The following PARD3 variants were observed in gnomAD, a reference collection of about 807,000 sequenced individuals.
PARD3 encodes par-3 family cell polarity regulator.
PARD3 carries 75 observed loss-of-function variants against 155.4 expected under a neutral mutation model. The observed-to-expected ratio is 0.48, with a 90% CI of 0.40 to 0.58. PARD3 has a LOEUF of 0.58. Among genes scored for constraint, PARD3 ranks in the 20% least tolerant of loss-of-function variants. PARD3 has a pLI of 0.00. For synonymous variants in PARD3, 576 were observed against 610.5 expected, an observed-to-expected ratio of 0.94 and a Z score of 0.83; for missense variants, 1,642 against 1,721.7, an observed-to-expected ratio of 0.95 and a Z score of 0.82.
chr10:34,363,738 C>T (rs990061016), intron 12 of PARD3, among the ~76,000 whole-genome samples: 1 of 152,268 alleles, frequency 6.6e-6, no homozygotes, highest in African/African-American at 2.4e-5. Context: ...TTCTTTAACT[C>T]ACTCCTCATG....
chr10:34,115,049 G>A (rs1946590007), intron 24 of PARD3, among the ~76,000 whole-genome samples: 1 of 152,154 alleles, frequency 6.6e-6, no homozygotes, highest in Non-Finnish European at 1.5e-5. Context: ...TCAGCATGGA[G>A]AGGACTCAAA....
intron 22 of PARD3, among the ~76,000 whole-genome samples, chr10:34,165,283 C>A (rs1949476637): frequency 6.6e-6 from 1 of 152,146 alleles, no homozygotes. Flanking sequence ...ACATCCATCC[C>A]TTCAGTAGTG....
chr10:34,209,338 T>G (rs564408266), intron 22 of PARD3, among the ~76,000 whole-genome samples: 1 of 152,316 alleles, frequency 6.6e-6, no homozygotes, highest in Admixed American at 6.5e-5. Context: ...AGGATTCTTT[T>G]AATGTCATGC....
chr10:34,756,455 T>C (rs1275264649), intron 1 of PARD3, among the ~76,000 whole-genome samples: 1 of 119,750 alleles, frequency 8.4e-6, no homozygotes, highest in Non-Finnish European at 1.7e-5. Flanking sequence ...GCCCAGCCAA[T>C]GCACCTTTTT....
chr10:34,599,523 C>T (rs1267622140), intron 2 of PARD3, among the ~76,000 whole-genome samples: 3 of 152,188 alleles, frequency 2.0e-5, no homozygotes, highest in African/African-American at 7.2e-5. Flanking sequence ...TAAGAGACAA[C>T]TCAGACTAGG....
chr10:34,270,881 C>T (rs115719201), intron 21 of PARD3, among the ~76,000 whole-genome samples: 1,918 of 152,186 alleles, frequency 0.013, 28 homozygotes, highest in African/African-American at 0.044. Flanking sequence ...ACTGAAGTTA[C>T]GTTTAGTTTA....
chr10:34,796,178 A>C (rs1458645924), intron 1 of PARD3, among the ~76,000 whole-genome samples: 1 of 152,202 alleles, frequency 6.6e-6, no homozygotes, highest in Non-Finnish European at 1.5e-5. Context: ...AAAAAACAAA[A>C]ACAAAAAAAA....
intron 22 of PARD3, among the ~76,000 whole-genome samples, chr10:34,263,395 G>A (rs1955125908): frequency 6.6e-6 from 1 of 151,902 alleles, no homozygotes; most frequent in South Asian, 2.1e-4. Context: ...GGTGGCTCAC[G>A]CCTGTAATCC....
chr10:34,345,125 T>C, intron 15 of PARD3: 2 of 985,100 alleles, frequency 2.0e-6, no homozygotes, highest in Non-Finnish European at 2.4e-6. Flanking sequence ...GAGAGGGCTA[T>C]TTTTAGAAAA....
chr10:34,517,490 G>C (rs900613900), intron 2 of PARD3, among the ~76,000 whole-genome samples: 1 of 152,076 alleles, frequency 6.6e-6, no homozygotes, highest in African/African-American at 2.4e-5. Flanking sequence ...AAATGCAAAA[G>C]TGTGTATATA....
intron 5 of PARD3, among the ~76,000 whole-genome samples, chr10:34,415,735 G>A (rs1304518086): frequency 6.6e-6 from 1 of 152,166 alleles, no homozygotes; most frequent in Non-Finnish European, 1.5e-5. Flanking sequence ...TTGGGGTGCA[G>A]TGTATAGGTG....
chr10:34,642,982 C>A (rs879429675), intron 2 of PARD3, among the ~76,000 whole-genome samples: 1 of 152,162 alleles, frequency 6.6e-6, no homozygotes, highest in Non-Finnish European at 1.5e-5. Flanking sequence ...AATGCTCCCC[C>A]ATCAGAGAAA....
At chr10:34,162,683 G>C (rs960379605) in intron 22 of PARD3, among the ~76,000 whole-genome samples, 1 of 152,130 alleles carries the variant, frequency 6.6e-6, no homozygotes, top group African/African-American at 2.4e-5. Context: ...AGTGTAACTT[G>C]ATTGAGCTAA....
At chr10:34,459,418 G>A (rs530855822) in intron 4 of PARD3, among the ~76,000 whole-genome samples, 9 of 151,900 alleles carry the variant, frequency 5.9e-5, no homozygotes, top group Non-Finnish European at 1.0e-4. Flanking sequence ...TGATCCGCCC[G>A]CCTCGGCCTC....
intron 2 of PARD3, among the ~76,000 whole-genome samples, chr10:34,650,743 G>A (rs1464922977): frequency 2.0e-5 from 3 of 152,130 alleles, no homozygotes; most frequent in East Asian, 1.9e-4. Context: ...CGGGCACAGC[G>A]GCTCACGCCT....
rs148753682 is a variant in PARD3, at chr10:34,653,432, A to G, written c.222+42886T>C. On this transcript the variant is annotated intron_variant, in intron 2 of 24. Transcript: ENST00000374788. ...GTTCATCACGTTTAAGCACTTGAAA[A>G]GCCATACATCTTCACCTTTGCCCTT... Among the ~76,000 whole-genome samples, 13 of 152,278 alleles carry G rather than the reference A, an allele frequency of 8.5e-5. No homozygotes were observed. The East Asian group carries it at 2.5e-3, about 29-fold the overall frequency.
chr10:34,267,581 A>AAGAG (rs1955385511), intron 22 of PARD3, among the ~76,000 whole-genome samples: 1 of 152,196 alleles, frequency 6.6e-6, no homozygotes, highest in Non-Finnish European at 1.5e-5. Flanking sequence ...CACATTTGCT[A>AAGAG]TTTTTAAAAA....
At chr10:34,686,144 C>A (rs189725556) in intron 2 of PARD3, among the ~76,000 whole-genome samples, 3 of 152,292 alleles carry the variant, frequency 2.0e-5, no homozygotes, top group Admixed American at 6.5e-5. Context: ...TAAGTGTGAA[C>A]TACAATTGTT....
intron 1 of PARD3, among the ~76,000 whole-genome samples, chr10:34,720,097 TACTGAAAC>T (rs1212669989): frequency 6.6e-6 from 1 of 152,188 alleles, no homozygotes; most frequent in Non-Finnish European, 1.5e-5. Context: ...CTGAAGTAAA[TACTGAAAC>T]ACTGACATGT....
Sources: gnomAD v4.1 joint callset for allele counts (sites outside exome capture counted in the v4.1 genomes callset) on GRCh38, gnomAD v4.1.1 for gene constraint, MANE v1.5 for transcripts, NCBI Gene and HGNC (gene_info 2026-07-23, HGNC 2026-07-21) for gene names.